Variants in MAP2 observed in about 807,000 individuals in gnomAD.
The protein encoded by MAP2 is microtubule associated protein 2.
MAP2 carries 14 observed loss-of-function variants against 137.6 expected under a neutral mutation model. That is an observed-to-expected ratio of 0.10 (90% CI 0.07 to 0.16). MAP2 has a LOEUF of 0.16. Among genes scored for constraint, MAP2 ranks in the 10% least tolerant of loss-of-function variants. The pLI, the probability that MAP2 is intolerant of heterozygous loss-of-function variation, is 1.00. For missense variants in MAP2, 2,088 were observed against 2,191.5 expected (o/e 0.95, Z 0.94); for synonymous variants, 786 against 782.3 (o/e 1.00, Z -0.08).
intron 4 of MAP2, among the ~76,000 whole-genome samples, chr2:209,632,842 A>G (rs1262705073): frequency 6.6e-6 from 1 of 152,152 alleles, no homozygotes; most frequent in East Asian, 1.9e-4. Context: ...TTACTCTCTC[A>G]GCCCAGGGCG....
chr2:209,430,947 T>C (rs1460967454), intron 1 of MAP2, among the ~76,000 whole-genome samples: 1 of 149,544 alleles, frequency 6.7e-6, no homozygotes, highest in Non-Finnish European at 1.5e-5. Flanking sequence ...AGTTTTGCCT[T>C]ATTCGGGATG....
At chr2:209,569,927 A>G (rs560109555) in intron 2 of MAP2, among the ~76,000 whole-genome samples, 1 of 152,016 alleles carries the variant, frequency 6.6e-6, no homozygotes, top group African/African-American at 2.4e-5. Context: ...GTCAAACAGC[A>G]AAGTTCTTTA....
At chr2:209,434,660 A>T (rs982805649) in intron 1 of MAP2, among the ~76,000 whole-genome samples, 5 of 148,338 alleles carry the variant, frequency 3.4e-5, no homozygotes, top group Admixed American at 2.7e-4. Context: ...CTACAAAATA[A>T]TTTTTTTTTT....
intron 3 of MAP2, among the ~76,000 whole-genome samples, chr2:209,622,958 A>C (rs2153525787): frequency 6.6e-6 from 1 of 152,276 alleles, no homozygotes; most frequent in South Asian, 2.1e-4. Context: ...ATAATTTCCC[A>C]ATTCTTTTGG....
At position 209,664,414 on chromosome 2, in the gene MAP2, G is replaced by C. The variant is rs537866444; in HGVS notation, c.262+10982G>C. Among the ~76,000 whole-genome samples, 146 of 152,238 alleles carry C rather than the reference G, an allele frequency of 9.6e-4. 1 individual carries two copies. In the Middle Eastern group the frequency reaches 0.02, roughly 21 times the overall value. On this transcript the variant is annotated intron_variant, in intron 5 of 15. Coordinates refer to ENST00000682079, the MANE Select transcript of MAP2 (RefSeq NM_001375505.1). ...AAAATACAAAAATTAGCTGGGCATG[G>C]TGGCACATGCCTGTAATACCAGCTA...
intron 1 of MAP2, among the ~76,000 whole-genome samples, chr2:209,476,531 G>A (rs1707280907): frequency 6.6e-6 from 1 of 151,886 alleles, no homozygotes; most frequent in Non-Finnish European, 1.5e-5. Flanking sequence ...CCCTAATGGT[G>A]ATTAAAACTG....
chr2:209,647,173 A>G (rs559207590), intron 4 of MAP2, among the ~76,000 whole-genome samples: 134 of 152,212 alleles, frequency 8.8e-4, no homozygotes, highest in African/African-American at 3.0e-3. Context: ...TGAGGACAGT[A>G]CCAAGGGGGA....
At chr2:209,644,670 CAAA>C (rs68166330) in intron 4 of MAP2, among the ~76,000 whole-genome samples, 84 of 68,590 alleles carry the variant, frequency 1.2e-3, no homozygotes, top group African/African-American at 2.2e-3. Flanking sequence ...GACCCTGTCT[CAAA>C]AAAAAAAAAA....
intron 5 of MAP2, among the ~76,000 whole-genome samples, chr2:209,657,748 C>G (rs1216919301): frequency 6.6e-6 from 1 of 152,032 alleles, no homozygotes. Context: ...TTTTCCTGTG[C>G]AGAAGCTTTT....
intron 1 of MAP2, among the ~76,000 whole-genome samples, chr2:209,479,620 T>C (rs530687953): frequency 6.6e-6 from 1 of 152,206 alleles, no homozygotes; most frequent in Non-Finnish European, 1.5e-5. Flanking sequence ...GATATATGAA[T>C]AAGCCAACAA....
At chr2:209,720,562 C>A (rs532265609) in intron 13 of MAP2, among the ~76,000 whole-genome samples, 1 of 151,064 alleles carries the variant, frequency 6.6e-6, no homozygotes, top group East Asian at 1.9e-4. Flanking sequence ...TGGCGTGAAC[C>A]CGGGAGGCGG....
At chr2:209,546,632 A>T (rs1400417402) in intron 2 of MAP2, among the ~76,000 whole-genome samples, 1 of 152,212 alleles carries the variant, frequency 6.6e-6, no homozygotes, top group African/African-American at 2.4e-5. Context: ...GAGATGTTTC[A>T]GGCACAGATC....
At chr2:209,690,818 G>A in intron 7 of MAP2, 1 of 1,286,826 alleles carries the variant, frequency 7.8e-7, no homozygotes, top group South Asian at 1.2e-5. Flanking sequence ...GGTGTCTCCA[G>A]AAGTAAAAAC....
intron 4 of MAP2, among the ~76,000 whole-genome samples, chr2:209,650,153 C>T (rs1350673412): frequency 6.6e-6 from 1 of 152,068 alleles, no homozygotes; most frequent in Non-Finnish European, 1.5e-5. Context: ...GTTGTGGGTG[C>T]TTATATTGTT....
rs200428395 is a variant in MAP2, at chr2:209,469,421, A to AT, written c.-221-38162dup. ...AGTTCTCTAAAACATTTCTGATGTA[A>AT]TTTTTTTTTATATTTTACTTTTTAA... On this transcript the variant is annotated intron_variant, in intron 1 of 15. Transcript: ENST00000682079. Among the ~76,000 whole-genome samples the AT allele has an allele frequency of 6.2e-3, 939 of 151,814 alleles. 7 individuals carry two copies. Among genetic ancestry groups the AT allele is most frequent in the African/African-American group, 0.021 (865 of 41,370 alleles).
intron 4 of MAP2, among the ~76,000 whole-genome samples, chr2:209,650,010 A>T (rs887892152): frequency 2.0e-5 from 3 of 152,186 alleles, no homozygotes; most frequent in African/African-American, 7.2e-5. Flanking sequence ...TTTTAAATGG[A>T]TGATTACCAA....
rs2059320227 is a variant in MAP2 at position 209,692,915 on chromosome 2, G to A, written c.745G>A (p.Gly249Ser). Residue 249 changes from glycine to serine, a missense_variant, in exon 8 of 16, where the codon GGC becomes AGC. Transcript: ENST00000682079. The part of the protein sequence containing the change: ...QKTEPSLVVP[G>S]IDLPKEPPTP... Reference sequence around the variant, plus strand: ...GACAGAACCAAGCCTTGTAGTACCTGGCATTGACCTCCCTAAAGAGCCTCC... The same window carrying A: ...GACAGAACCAAGCCTTGTAGTACCTAGCATTGACCTCCCTAAAGAGCCTCC... 1 of 1,614,074 alleles carries A rather than the reference G, an allele frequency of 6.2e-7. No individual in the cohort carries two copies. Among genetic ancestry groups the A allele is most frequent in the Non-Finnish European group, 8.5e-7 (1 of 1,179,978 alleles).
At chr2:209,653,818 A>C (rs1333783546) in intron 5 of MAP2, among the ~76,000 whole-genome samples, 6 of 152,210 alleles carry the variant, frequency 3.9e-5, no homozygotes, top group African/African-American at 1.4e-4. Context: ...AGAGCAGAAA[A>C]AAGCAAAATA....
chr2:209,460,721 T>C (rs1702570756), intron 1 of MAP2, among the ~76,000 whole-genome samples: 1 of 152,080 alleles, frequency 6.6e-6, no homozygotes, highest in Non-Finnish European at 1.5e-5. Flanking sequence ...AGAATCTTAC[T>C]TTGTGGGTAA....
Sources: gnomAD v4.1 joint callset for allele counts (sites outside exome capture counted in the v4.1 genomes callset) on GRCh38, gnomAD v4.1.1 for gene constraint, MANE v1.5 for transcripts, NCBI Gene and HGNC (gene_info 2026-07-23, HGNC 2026-07-21) for gene names.